DAB1: variants seen among roughly 807,000 people sequenced by gnomAD.
DAB1 encodes DAB adaptor protein 1.
In DAB1, 15 loss-of-function variants were observed where a neutral mutation model predicts 64.6. The observed-to-expected ratio is 0.23, with a 90% confidence interval of 0.16 to 0.36. DAB1 has a LOEUF of 0.36. DAB1 is among the 10% of genes least tolerant of loss of function. The probability of loss-of-function intolerance (pLI) is 1.00; values close to 1 mark genes in which losing one functional copy is unlikely to be tolerated. For missense variants in DAB1, 596 were observed against 706.7 expected (o/e 0.84, Z 1.78); for synonymous variants, 235 against 251.9 (o/e 0.93, Z 0.64).
intron 6 of DAB1, among the ~76,000 whole-genome samples, chr1:57,768,904 T>C (rs966776790): frequency 6.6e-6 from 1 of 152,132 alleles, no homozygotes; most frequent in African/African-American, 2.4e-5. Flanking sequence ...GAGCTCTTCA[T>C]TAGATATTTC....
At chr1:57,299,237 T>C (rs1378159802) in intron 1 of DAB1, among the ~76,000 whole-genome samples, 2 of 152,176 alleles carry the variant, frequency 1.3e-5, no homozygotes, top group African/African-American at 4.8e-5. Flanking sequence ...TAAGGTAAAA[T>C]CTTGAATTAA....
intron 3 of DAB1, among the ~76,000 whole-genome samples, chr1:58,357,674 T>C (rs1432466069): frequency 2.0e-5 from 3 of 152,210 alleles, no homozygotes; most frequent in Non-Finnish European, 4.4e-5. Context: ...CTTGTTAAAA[T>C]GCAGATTCTG....
intron 7 of DAB1, among the ~76,000 whole-genome samples, chr1:57,498,756 C>G (rs1410826875): frequency 1.3e-5 from 2 of 152,112 alleles, no homozygotes; most frequent in African/African-American, 4.8e-5. Context: ...AATGTTATAG[C>G]TGGTGGGAGA....
chr1:58,301,211 A>AG (rs1426495757), intron 4 of DAB1, among the ~76,000 whole-genome samples: 1 of 136,446 alleles, frequency 7.3e-6, no homozygotes. Flanking sequence ...GACTAACAGA[A>AG]GAGCAGATAT....
chr1:58,085,661 C>T (rs2100600722), intron 5 of DAB1, among the ~76,000 whole-genome samples: 1 of 152,108 alleles, frequency 6.6e-6, no homozygotes, highest in South Asian at 2.1e-4. Context: ...AGCCACTGTT[C>T]CCAACTACCT....
At chr1:57,090,148 T>C (rs1387004923) in intron 4 of DAB1, among the ~76,000 whole-genome samples, 1 of 152,154 alleles carries the variant, frequency 6.6e-6, no homozygotes, top group Non-Finnish European at 1.5e-5. Flanking sequence ...AGTTTTGAAA[T>C]GAATAATAGG....
intron 5 of DAB1, among the ~76,000 whole-genome samples, chr1:58,148,076 G>C (rs775096270): frequency 2.6e-5 from 4 of 151,288 alleles, no homozygotes; most frequent in Non-Finnish European, 5.9e-5. Flanking sequence ...ACCAGGGAAA[G>C]TATTGAGGAG....
chr1:58,236,420 A>G (rs1660045760), intron 4 of DAB1, among the ~76,000 whole-genome samples: 1 of 152,012 alleles, frequency 6.6e-6, no homozygotes, highest in Non-Finnish European at 1.5e-5. Context: ...GGAAAGACGC[A>G]TGGGGGACAC....
At chr1:58,490,037 C>G (rs563661437) in intron 3 of DAB1, among the ~76,000 whole-genome samples, 2 of 152,330 alleles carry the variant, frequency 1.3e-5, no homozygotes, top group African/African-American at 4.8e-5. Flanking sequence ...CAGAGTGCCT[C>G]TCCTCCTCCA....
chr1:57,175,412 T>A (rs570697941), intron 2 of DAB1, among the ~76,000 whole-genome samples: 2 of 152,066 alleles, frequency 1.3e-5, no homozygotes, highest in African/African-American at 4.8e-5. Flanking sequence ...GTTAACATAC[T>A]ATCAGCTAAG....
rs374578735 is a variant in DAB1 at position 58,409,021 on chromosome 1, G to A, written n.258-65618C>T. Among the ~76,000 whole-genome samples, 5 of 152,204 alleles carry A rather than the reference G, an allele frequency of 3.3e-5. No individual in the cohort carries two copies. In the East Asian group the frequency reaches 5.8e-4, roughly 18 times the overall value. ...AAGTCAAAGGTAAGACTCACACAGA[G>A]GTGATCACGTGAAAAGGGAGACAAT... is the stretch of plus-strand genomic sequence containing the variant. On this transcript the variant is annotated intron_variant and non_coding_transcript_variant, in intron 3 of 20. Coordinates refer to the DAB1 transcript ENST00000485760.
intron 5 of DAB1, among the ~76,000 whole-genome samples, chr1:57,898,153 TA>T (rs369302122): frequency 7.3e-4 from 111 of 152,260 alleles, no homozygotes; most frequent in African/African-American, 2.6e-3. Context: ...CTTTGGACTC[TA>T]ACAAACCTGC....
At chr1:57,636,923 A>G (rs187191462) in intron 7 of DAB1, among the ~76,000 whole-genome samples, 7 of 152,336 alleles carry the variant, frequency 4.6e-5, no homozygotes, top group Admixed American at 4.6e-4. Flanking sequence ...ATGGATAAAT[A>G]TGGATATCAT....
intron 7 of DAB1, among the ~76,000 whole-genome samples, chr1:57,523,924 C>G (rs1245361577): frequency 5.7e-5 from 8 of 140,670 alleles, no homozygotes; most frequent in Non-Finnish European, 1.2e-4. Flanking sequence ...GACTCTGTCT[C>G]AAAAAAAAAG....
intron 2 of DAB1, among the ~76,000 whole-genome samples, chr1:57,234,405 A>G (rs1220764323): frequency 6.6e-6 from 1 of 152,180 alleles, no homozygotes; most frequent in Non-Finnish European, 1.5e-5. Context: ...TTCCATATTT[A>G]TAAAGTGAGT....
chr1:57,240,238 C>A (rs1394241984), intron 2 of DAB1, among the ~76,000 whole-genome samples: 3 of 152,136 alleles, frequency 2.0e-5, no homozygotes, highest in Non-Finnish European at 4.4e-5. Flanking sequence ...GGAAAAGGCT[C>A]TTCCCTAAGG....
At chr1:57,070,661 G>C (rs1275039894) in intron 7 of DAB1, 1 of 245,282 alleles carries the variant, frequency 4.1e-6, no homozygotes. Context: ...CCCACCTCTG[G>C]TTCTTAACTC....
At chr1:57,893,789 T>A (rs1358146661) in intron 5 of DAB1, among the ~76,000 whole-genome samples, 1 of 152,062 alleles carries the variant, frequency 6.6e-6, no homozygotes, top group South Asian at 2.1e-4. Context: ...TAATAATTGG[T>A]TGCAGCCAGT....
At chr1:58,460,508 T>G (rs963345865) in intron 3 of DAB1, among the ~76,000 whole-genome samples, 1 of 152,240 alleles carries the variant, frequency 6.6e-6, no homozygotes, top group African/African-American at 2.4e-5. Context: ...CCTGTCTCCC[T>G]TCCTTCACTT....
Sources: gnomAD v4.1 joint callset for allele counts (sites outside exome capture counted in the v4.1 genomes callset) on GRCh38, gnomAD v4.1.1 for gene constraint, MANE v1.5 for transcripts, NCBI Gene and HGNC (gene_info 2026-07-23, HGNC 2026-07-21) for gene names.